The following FHIT variants were observed in gnomAD, a reference collection of about 807,000 sequenced individuals.
FHIT encodes fragile histidine triad diadenosine triphosphatase.
A neutral mutation model predicts 17.9 loss-of-function variants in FHIT; 19 were observed. That is an observed-to-expected ratio of 1.06 (90% CI 0.74 to 1.56). The LOEUF (loss-of-function observed/expected upper bound fraction) is 1.56, where lower values mean the gene tolerates loss of function less well. FHIT is among the 40% of genes most tolerant of loss of function. FHIT has a pLI of 0.00. For missense variants in FHIT, 248 were observed against 189.2 expected (o/e 1.31, Z -1.82); for synonymous variants, 81 against 69.7 (o/e 1.16, Z -0.81).
chr3:61,192,204 C>A (rs552593202), intron 2 of FHIT, among the ~76,000 whole-genome samples: 5 of 152,166 alleles, frequency 3.3e-5, no homozygotes, highest in African/African-American at 1.2e-4. Context: ...TGTTGAGCCA[C>A]TGAATTAACA....
chr3:60,346,113 C>A (rs1447956804), intron 5 of FHIT, among the ~76,000 whole-genome samples: 1 of 152,174 alleles, frequency 6.6e-6, no homozygotes, highest in Non-Finnish European at 1.5e-5. Context: ...GTGTTCCCTG[C>A]CAACATTTGC....
intron 2 of FHIT, among the ~76,000 whole-genome samples, chr3:61,093,727 A>C (rs1331088843): frequency 1.3e-5 from 2 of 152,150 alleles, no homozygotes; most frequent in African/African-American, 4.8e-5. Flanking sequence ...AACATCACCT[A>C]CCTCAAAAAG....
At chr3:60,321,415 G>A (rs1459590883) in intron 5 of FHIT, among the ~76,000 whole-genome samples, 1 of 152,134 alleles carries the variant, frequency 6.6e-6, no homozygotes, top group Non-Finnish European at 1.5e-5. Context: ...GGTCAAGTCT[G>A]CAGAGAGCCA....
intron 5 of FHIT, among the ~76,000 whole-genome samples, chr3:60,470,456 T>G (rs1296899167): frequency 6.6e-6 from 1 of 151,968 alleles, no homozygotes; most frequent in African/African-American, 2.4e-5. Context: ...TTCCCTCTCC[T>G]TTCCTCAAGC....
At chr3:60,371,291 TG>T (rs759937640) in intron 5 of FHIT, among the ~76,000 whole-genome samples, 22 of 152,194 alleles carry the variant, frequency 1.4e-4, no homozygotes, top group Non-Finnish European at 2.6e-4. Context: ...TAAATGTAAT[TG>T]GGATATCCAC....
At chr3:60,175,238 T>A (rs71313749) in intron 5 of FHIT, among the ~76,000 whole-genome samples, 1 of 152,076 alleles carries the variant, frequency 6.6e-6, no homozygotes, top group Admixed American at 6.6e-5. Flanking sequence ...GTACACTGAA[T>A]GTCTACTCCT....
At chr3:60,107,862 C>G (rs1704494616) in intron 5 of FHIT, among the ~76,000 whole-genome samples, 1 of 152,124 alleles carries the variant, frequency 6.6e-6, no homozygotes, top group African/African-American at 2.4e-5. Context: ...TCAATACAAC[C>G]TTTTATAAAT....
chr3:60,287,890 A>G (rs376351277), intron 5 of FHIT, among the ~76,000 whole-genome samples: 14 of 151,206 alleles, frequency 9.3e-5, no homozygotes, highest in Admixed American at 3.3e-4. Context: ...ACCCCTCTGT[A>G]TCAGTTATCT....
chr3:60,430,854 G>A (rs1702861618), intron 5 of FHIT, among the ~76,000 whole-genome samples: 1 of 152,048 alleles, frequency 6.6e-6, no homozygotes, highest in Non-Finnish European at 1.5e-5. Context: ...AGTTGCAAGG[G>A]TGGTGAGATT....
chr3:59,820,518 C>T (rs1174653772), intron 8 of FHIT, among the ~76,000 whole-genome samples: 2 of 152,218 alleles, frequency 1.3e-5, no homozygotes, highest in Non-Finnish European at 2.9e-5. Context: ...GGACAAACTA[C>T]ATCCCATGAA....
At chr3:60,839,046 T>C (rs138105371) in intron 3 of FHIT, among the ~76,000 whole-genome samples, 4 of 151,980 alleles carry the variant, frequency 2.6e-5, no homozygotes, top group African/African-American at 9.7e-5. Flanking sequence ...AGAACACCCA[T>C]TGGAACAAGC....
At chr3:60,390,543 G>T (rs973913085) in intron 5 of FHIT, among the ~76,000 whole-genome samples, 4 of 151,842 alleles carry the variant, frequency 2.6e-5, no homozygotes, top group African/African-American at 4.8e-5. Context: ...AGTCCTTCAG[G>T]AGTTGCTCCA....
chr3:60,929,205 C>T (rs1553770971), intron 3 of FHIT, among the ~76,000 whole-genome samples: 40 of 152,174 alleles, frequency 2.6e-4, no homozygotes, highest in Non-Finnish European at 5.9e-5. Context: ...ATTGATGGGA[C>T]ATATCTCAAA....
At chr3:60,830,952 T>A (rs1324162093) in intron 3 of FHIT, among the ~76,000 whole-genome samples, 2 of 152,216 alleles carry the variant, frequency 1.3e-5, no homozygotes, top group Non-Finnish European at 2.9e-5. Flanking sequence ...AGGTGTGATA[T>A]AAGGGCAGTA....
At chr3:60,614,372 G>A in intron 4 of FHIT, among the ~76,000 whole-genome samples, 1 of 152,148 alleles carries the variant, frequency 6.6e-6, no homozygotes, top group Non-Finnish European at 1.5e-5. Flanking sequence ...GCACTTTGGA[G>A]GTGGATGGAT....
At chr3:60,169,832 G>C (rs546993419) in intron 5 of FHIT, among the ~76,000 whole-genome samples, 1 of 152,282 alleles carries the variant, frequency 6.6e-6, no homozygotes, top group African/African-American at 2.4e-5. Flanking sequence ...AAGTGGGGAT[G>C]AAACAGTTCC....
At chr3:60,223,274 T>C (rs1418762607) in intron 5 of FHIT, among the ~76,000 whole-genome samples, 3 of 152,150 alleles carry the variant, frequency 2.0e-5, no homozygotes, top group Non-Finnish European at 4.4e-5. Context: ...TAATGTATTT[T>C]GCAGGGGAGG....
intron 5 of FHIT, among the ~76,000 whole-genome samples, chr3:60,340,479 T>C (rs1455786158): frequency 7.9e-5 from 12 of 152,176 alleles, no homozygotes; most frequent in Admixed American, 5.9e-4. Context: ...TGCAAAAGAC[T>C]TGACTAGCTG....
At chr3:60,283,286 C>T (rs1707554183) in intron 5 of FHIT, among the ~76,000 whole-genome samples, 1 of 151,966 alleles carries the variant, frequency 6.6e-6, no homozygotes, top group South Asian at 2.1e-4. Flanking sequence ...AAATGCTCAA[C>T]TTTGCTCCCT....
Sources: allele counts gnomAD v4.1 joint callset (sites outside exome capture counted in the v4.1 genomes callset), GRCh38; gene constraint gnomAD v4.1.1; transcripts MANE v1.5; gene names NCBI Gene and HGNC (gene_info 2026-07-23, HGNC 2026-07-21).